PARL: variants seen among roughly 807,000 people sequenced by gnomAD.
PARL encodes the protein presenilin associated rhomboid like.
PARL carries 44 observed loss-of-function variants against 51.6 expected under a neutral mutation model. That is an observed-to-expected ratio of 0.85 (90% CI 0.67 to 1.10). The LOEUF (loss-of-function observed/expected upper bound fraction) is 1.10. Ranked by LOEUF, PARL falls within the 50% of genes least tolerant of loss-of-function variation. The pLI is 0.00. For missense variants in PARL, 441 were observed against 469.5 expected (o/e 0.94, Z 0.56); for synonymous variants, 172 against 164.0 (o/e 1.05, Z -0.37).
chr3:183,847,290 G>A (rs889189323), intron 4 of PARL, among the ~76,000 whole-genome samples: 7 of 152,180 alleles, frequency 4.6e-5, no homozygotes, highest in Non-Finnish European at 1.0e-4. Flanking sequence ...CGGGTGTGGT[G>A]GCTCACGCCT....
chr3:183,879,636 A>C (rs1207370083), intron 1 of PARL: 8 of 504,884 alleles, frequency 1.6e-5, no homozygotes, highest in Non-Finnish European at 2.0e-5. Flanking sequence ...TATTGGAATA[A>C]GGATGCTTTT....
intron 1 of PARL, among the ~76,000 whole-genome samples, chr3:183,875,896 A>G (rs1016780510): frequency 6.6e-6 from 1 of 152,190 alleles, no homozygotes; most frequent in African/African-American, 2.4e-5. Flanking sequence ...TTGGTGACTA[A>G]GTTGAAGCCA....
rs561851709 is a variant in PARL at position 183,867,554 on chromosome 3, G to A, written c.321+311C>T. 2.0e-5 allele frequency among the ~76,000 whole-genome samples: 3 copies of A among 152,188 alleles called. No individual in the cohort carries two copies. The East Asian group carries it at 5.8e-4, about 30-fold the overall frequency. ...TCTCTACTAAAAATACAAAAAATTA[G>A]CCAGGCGTGGTGGCCAGTGCCTACA... On this transcript the variant is annotated intron_variant, in intron 2 of 9. Coordinates refer to ENST00000317096, the MANE Select transcript of PARL (RefSeq NM_018622.7).
intron 5 of PARL, 61 bp from the exon 6 acceptor site, chr3:183,842,508 A>C: frequency 6.5e-7 from 1 of 1,535,090 alleles, no homozygotes; most frequent in Non-Finnish European, 9.0e-7. Flanking sequence ...AAAATTATCC[A>C]TTTTAAACTT....
chr3:183,884,442 T>C (rs1382378068), intron 1 of PARL, among the ~76,000 whole-genome samples: 1 of 152,212 alleles, frequency 6.6e-6, no homozygotes, highest in African/African-American at 2.4e-5. Context: ...CTCGCGATTA[T>C]GAAGTGTGGC....
chr3:183,833,615 C>T, intron 8 of PARL, 26 bp from the exon 9 acceptor site: 1 of 1,554,400 alleles, frequency 6.4e-7, no homozygotes, highest in African/African-American at 1.4e-5. Flanking sequence ...AAACAAGCGG[C>T]ACAACTGTGA....
chr3:183,857,363 A>C (rs1203889798), intron 4 of PARL, among the ~76,000 whole-genome samples: 1 of 152,248 alleles, frequency 6.6e-6, no homozygotes, highest in Non-Finnish European at 1.5e-5. Context: ...TGAGTTGTAC[A>C]TCTGACATAT....
At chr3:183,830,946 G>C (rs912762124) in intron 9 of PARL, among the ~76,000 whole-genome samples, 1 of 152,186 alleles carries the variant, frequency 6.6e-6, no homozygotes, top group African/African-American at 2.4e-5. Context: ...AAATCACTTT[G>C]TCAGGAACTC....
At chr3:183,884,694 G>T in intron 1 of PARL, 28 bp downstream of exon 1, 1 of 1,579,120 alleles carries the variant, frequency 6.3e-7, no homozygotes. Flanking sequence ...ACCAAGAGGC[G>T]AGAAGACCAG....
intron 4 of PARL, among the ~76,000 whole-genome samples, chr3:183,853,551 C>CA (rs1388906123): frequency 5.9e-5 from 9 of 151,502 alleles, no homozygotes; most frequent in South Asian, 4.2e-4. Context: ...GACTCTGTCT[C>CA]AAAAAAACAA....
chr3:183,839,171 A>G (rs1221195782), intron 7 of PARL, among the ~76,000 whole-genome samples: 1 of 152,246 alleles, frequency 6.6e-6, no homozygotes, highest in African/African-American at 2.4e-5. Context: ...CACTAGGAAA[A>G]TTAAGTGTAA....
At chr3:183,862,519 A>G in intron 4 of PARL, 1 of 500,034 alleles carries the variant, frequency 2.0e-6, no homozygotes, top group South Asian at 2.7e-5. Context: ...TTCTACAACA[A>G]AACTGATCAA....
chr3:183,834,090 C>T (rs548587206), intron 7 of PARL, among the ~76,000 whole-genome samples: 1 of 152,368 alleles, frequency 6.6e-6, no homozygotes, highest in South Asian at 2.1e-4. Context: ...AAGGACAGTG[C>T]TAAGCGTGTC....
At chr3:183,848,549 A>G (rs910230861) in intron 4 of PARL, among the ~76,000 whole-genome samples, 3 of 152,150 alleles carry the variant, frequency 2.0e-5, no homozygotes, top group Admixed American at 6.5e-5. Context: ...CCCACTCTCT[A>G]GTTACAAGGT....
At chr3:183,849,956 A>T (rs907395543) in intron 4 of PARL, among the ~76,000 whole-genome samples, 7 of 152,248 alleles carry the variant, frequency 4.6e-5, no homozygotes, top group African/African-American at 1.7e-4. Context: ...TAAAATTCCT[A>T]GAAAGATACA....
At chr3:183,884,647 G>C (rs1024419991) in intron 1 of PARL, 75 bp downstream of exon 1, 2 of 1,463,742 alleles carry the variant, frequency 1.4e-6, no homozygotes, top group African/African-American at 2.8e-5. Context: ...GGCCCAGACG[G>C]CCTCCGCCCC....
chr3:183,867,918 G>A lies in PARL; in HGVS notation c.268C>T (p.Pro90Ser). The A allele has an allele frequency of 3.1e-6, 5 of 1,613,850 alleles. No individual in the cohort carries two copies. The highest frequency in any genetic ancestry group is 4.2e-6 in the Non-Finnish European group (5 of 1,179,796). ...AGACTCCTTATAGGATAGGGAGAAG[G>A]ATAAAAGACTGTTTCTTCCACAGGA... Reference protein sequence around the residue: ...IPPVEETVFYPSPYPIRSLIK... With the variant: ...IPPVEETVFYSSPYPIRSLIK... Residue 90 changes from proline (P) to serine (S), a missense_variant, in exon 2 of 10, where the codon CCT (proline) becomes TCT (serine). By Grantham distance (74) the Pro-to-Ser change is moderately conservative. Coordinates refer to ENST00000317096, the MANE Select transcript of PARL (RefSeq NM_018622.7).
chr3:183,868,352 C>G (rs140688130), intron 1 of PARL, among the ~76,000 whole-genome samples: 293 of 152,200 alleles, frequency 1.9e-3, no homozygotes, highest in African/African-American at 6.4e-3. Flanking sequence ...AATCTGAAGA[C>G]CTGGTAAAAA....
intron 1 of PARL, among the ~76,000 whole-genome samples, chr3:183,869,734 T>A (rs1214328707): frequency 6.6e-6 from 1 of 152,060 alleles, no homozygotes; most frequent in African/African-American, 2.4e-5. Context: ...AACAAGCTAT[T>A]TGGTTGAATT....
Sources: allele counts gnomAD v4.1 joint callset (sites outside exome capture counted in the v4.1 genomes callset), GRCh38; gene constraint gnomAD v4.1.1; transcripts MANE v1.5; gene names NCBI Gene and HGNC (gene_info 2026-07-23, HGNC 2026-07-21).